The following CEBPZ variants were observed in gnomAD, a reference collection of about 807,000 sequenced individuals.
The protein encoded by CEBPZ is CCAAT enhancer binding protein zeta.
Under a neutral mutation model 104.5 loss-of-function variants are expected in CEBPZ, and 78 were observed. The ratio of observed to expected loss-of-function variants is 0.75; its 90% CI spans 0.62 to 0.90. CEBPZ has a LOEUF of 0.90. CEBPZ is among the 40% of genes least tolerant of loss of function. The pLI, the probability that CEBPZ is intolerant of heterozygous loss-of-function variation, is 0.00. For synonymous variants in CEBPZ, 470 were observed against 427.0 expected, an observed-to-expected ratio of 1.10 and a Z score of -1.24; for missense variants, 1,439 against 1,233.5, an observed-to-expected ratio of 1.17 and a Z score of -2.50.
rs754312501 is a variant in CEBPZ, at chr2:37,212,316, G to A, written c.2603+19C>T. The stretch of plus-strand genomic sequence containing the variant: ...GGAAATGCTAGAAAAATAGGAAGGA[G>A]AAGATAGAAGTATGTTACCCAGCAA... On this transcript the variant is annotated intron_variant, in intron 11 of 15. Coordinates refer to ENST00000234170, the MANE Select transcript of CEBPZ (RefSeq NM_005760.3). The A allele has an allele frequency of 1.1e-5, 17 of 1,605,198 alleles. No homozygotes were observed. The South Asian group carries it at 1.9e-4, about 18-fold the overall frequency.
chr2:37,218,327 C>T lies in CEBPZ; in HGVS notation c.2155-1290G>A, dbSNP rs571904106. ...TTATGCTTCAGGACGAAATATATAG[C>T]GAGTAGTATTACTTTACAGTTTTGC... On this transcript the variant is annotated intron_variant, in intron 5 of 15. Transcript: ENST00000234170. Among the ~76,000 whole-genome samples the T allele has an allele frequency of 7.2e-5, 11 of 152,102 alleles. No individual in the cohort carries two copies. In the South Asian group the frequency reaches 8.3e-4, roughly 11 times the overall value.
chr2:37,223,410 C>A lies in CEBPZ; in HGVS notation c.1650-9G>T. ...CTGGATCCAACATCTTCCTGCAAAACAAAACCAAGGTCAAATATTTATGTA... is the reference window on the plus strand; with the variant it reads ...CTGGATCCAACATCTTCCTGCAAAAAAAAACCAAGGTCAAATATTTATGTA... On this transcript the variant is annotated splice_polypyrimidine_tract_variant and intron_variant, in intron 2 of 15. Transcript: ENST00000234170. The A allele has an allele frequency of 1.9e-6, 3 of 1,610,732 alleles. No individual in the cohort carries two copies. The highest frequency in any genetic ancestry group is 2.5e-6 in the Non-Finnish European group (3 of 1,177,306).
intron 5 of CEBPZ, 70 bp downstream of exon 5, chr2:37,220,315 C>CA (rs376111470): frequency 0.01 from 3,744 of 361,690 alleles, 8 homozygotes; most frequent in South Asian, 0.026. Context: ...GACTCTGTCT[C>CA]AAAAAAAAAA....
Position 37,228,544 on chromosome 2 carries a change from T to C in CEBPZ, c.649A>G (p.Ile217Val). The stretch of plus-strand genomic sequence containing the variant: ...TTCGTCTTACTTTTGAATAAGTTGA[T>C]TTCATGCTGATACAGCTTCTGAGCA... Reference protein sequence around the residue: ...TLAQKLYQHEINLFKSKTNSQ... With the variant: ...TLAQKLYQHEVNLFKSKTNSQ... Residue 217 changes from isoleucine to valine, a missense_variant, in exon 2 of 16, where the codon ATC becomes GTC. Transcript: ENST00000234170. The C allele has an allele frequency of 1.2e-6, 2 of 1,614,206 alleles. No individual in the cohort carries two copies. The highest frequency in any genetic ancestry group is 1.1e-5 in the South Asian group (1 of 91,080).
chr2:37,217,713 T>C (rs1228326839), intron 5 of CEBPZ, among the ~76,000 whole-genome samples: 1 of 149,944 alleles, frequency 6.7e-6, no homozygotes, highest in Non-Finnish European at 1.5e-5. Flanking sequence ...CCATCCTGGC[T>C]AACATGGTGA....
At chr2:37,208,815 A>C (rs1677622806) in intron 13 of CEBPZ, 1 of 152,170 alleles carries the variant, frequency 6.6e-6, no homozygotes, top group Non-Finnish European at 1.5e-5. Flanking sequence ...AGAGAAAGAA[A>C]GGGCATTCAA....
At position 37,222,313 on chromosome 2, in the gene CEBPZ, A is replaced by G; in HGVS notation, c.2065+67T>C. On this transcript the variant is annotated intron_variant, in intron 4 of 15. Coordinates refer to ENST00000234170, the MANE Select transcript of CEBPZ (RefSeq NM_005760.3). ...AATAAATAAGTAAATAAAATGGTAG[A>G]ATGCTATTTTCTATGAAAATCAAAG... 8.0e-6 allele frequency: 10 copies of G among 1,252,166 alleles called. No homozygotes were observed. The South Asian group carries it at 1.6e-4, about 20-fold the overall frequency. The allele number at this position is 1,252,166 out of a possible 1,614,324, so 77.6% of individuals were successfully genotyped here.
intron 4 of CEBPZ, among the ~76,000 whole-genome samples, 172 bp from the exon 5 acceptor site, chr2:37,220,645 C>G (rs1367656514): frequency 1.3e-5 from 2 of 152,180 alleles, no homozygotes; most frequent in African/African-American, 4.8e-5. Context: ...GGTACTTAAG[C>G]TAGCATCTGC....
At position 37,213,942 on chromosome 2, in the gene CEBPZ, CA is replaced by C; in HGVS notation, c.2466del (p.Val823LeufsTer14). 1 of 1,573,290 alleles carries C rather than the reference CA, an allele frequency of 6.4e-7. No homozygotes were observed. Among genetic ancestry groups the C allele is most frequent in the Non-Finnish European group, 8.6e-7 (1 of 1,163,606 alleles). ...VFFHRYYKKV[A>X]VKEKQKRDAD... ...GCATCCCGTTTTTGTTTCTCTTTAA[CA>C]GCAACTTTTTTATAATACCTATAAT... On this transcript the variant is annotated frameshift_variant, in exon 10 of 16. Transcript: ENST00000234170. LOFTEE classifies it high-confidence loss of function.
intron 15 of CEBPZ, 83 bp from the exon 16 acceptor site, chr2:37,201,986 G>C: frequency 7.4e-7 from 1 of 1,357,132 alleles, no homozygotes; most frequent in Non-Finnish European, 1.0e-6. Flanking sequence ...TGAGTCACAG[G>C]AACTTCTAGC....
At chr2:37,216,718 A>G (rs576270542) in intron 6 of CEBPZ, among the ~76,000 whole-genome samples, 30 of 152,350 alleles carry the variant, frequency 2.0e-4, no homozygotes, top group African/African-American at 7.2e-4. Context: ...AGCAAATGGG[A>G]AAGTGAGGCA....
At chr2:37,205,913 T>C (rs957640683) in intron 13 of CEBPZ, among the ~76,000 whole-genome samples, 5 of 152,176 alleles carry the variant, frequency 3.3e-5, no homozygotes, top group African/African-American at 9.7e-5. Flanking sequence ...TAAAGGAGCA[T>C]GGATTATTGC....
At chr2:37,213,045 A>AAAAC (rs1398353000) in intron 10 of CEBPZ, among the ~76,000 whole-genome samples, 1 of 151,932 alleles carries the variant, frequency 6.6e-6, no homozygotes, top group Non-Finnish European at 1.5e-5. Context: ...AGCCTGTCTC[A>AAAAC]AAACAAACAA....
Position 37,217,017 on chromosome 2 carries a change from G to A in CEBPZ, c.2175C>T (p.Pro725=), listed in dbSNP as rs756443843. The A allele has an allele frequency of 6.2e-7, 1 of 1,612,964 alleles. No homozygotes were observed. Among genetic ancestry groups the A allele is most frequent in the Non-Finnish European group, 8.5e-7 (1 of 1,179,006 alleles). The change falls in exon 6 of 16, where the codon CCC becomes CCT. Residue 725 remains proline, a synonymous_variant. Coordinates refer to ENST00000234170, the MANE Select transcript of CEBPZ (RefSeq NM_005760.3). ...TGGTCTTTGCAAAAAGGGCCACGGA[G>A]GGATGAAAATGCACAGATAACTAAA... The part of the protein sequence containing the change: ...ELKKLSVHFH[P]SVALFAKTIL...
intron 13 of CEBPZ, among the ~76,000 whole-genome samples, chr2:37,206,794 T>C (rs990634428): frequency 6.6e-6 from 1 of 152,182 alleles, no homozygotes; most frequent in African/African-American, 2.4e-5. Context: ...ACTAGCATGA[T>C]GAATAGAATA....
In CEBPZ at chr2:37,213,936, C is replaced by G; in HGVS notation, c.2473G>C (p.Glu825Gln). The change falls in exon 10 of 16, where the codon GAG becomes CAG. Residue 825 changes from glutamate (E) to glutamine (Q), a missense_variant. Transcript: ENST00000234170. ...HRYYKKVAVKEKQKRDADEES... is the reference protein window; with the variant it reads ...HRYYKKVAVKQKQKRDADEES... ...TCATCTGCATCCCGTTTTTGTTTCT[C>G]TTTAACAGCAACTTTTTTATAATAC... 1 of 1,580,456 alleles carries G rather than the reference C, an allele frequency of 6.3e-7. No homozygotes were observed. The highest frequency in any genetic ancestry group is 8.6e-7 in the Non-Finnish European group (1 of 1,168,840).
intron 5 of CEBPZ, among the ~76,000 whole-genome samples, chr2:37,218,511 T>C (rs1664691491): frequency 6.6e-6 from 1 of 152,208 alleles, no homozygotes. Context: ...CAAAGATTAG[T>C]TGTAATATGG....
rs866654626 is a variant in CEBPZ at position 37,220,328 on chromosome 2, A to T, written c.2154+57T>A. 818 of 501,556 alleles carry T rather than the reference A, an allele frequency of 1.6e-3. 5 individuals are homozygous for T. The highest frequency in any genetic ancestry group is 0.014 in the African/African-American group (663 of 47,010). 31.1% of individuals were successfully genotyped at this position (501,556 alleles called of 1,614,324 possible). The stretch of plus-strand genomic sequence containing the variant: ...AAGACTCTGTCTCAAAAAAAAAAAA[A>T]ATATATATATATATATATAGCATAA... On this transcript the variant is annotated intron_variant, in intron 5 of 15. Transcript: ENST00000234170.
chr2:37,201,982 A>G, intron 15 of CEBPZ, 79 bp from the exon 16 acceptor site: 1 of 1,395,040 alleles, frequency 7.2e-7, no homozygotes, highest in South Asian at 1.4e-5. Flanking sequence ...CTGCTGAGTC[A>G]CAGGAACTTC....
Sources: allele counts gnomAD v4.1 joint callset (sites outside exome capture counted in the v4.1 genomes callset), GRCh38; gene constraint gnomAD v4.1.1; transcripts MANE v1.5; gene names NCBI Gene and HGNC (gene_info 2026-07-23, HGNC 2026-07-21).